OR2T2: variants seen among roughly 807,000 people sequenced by gnomAD.
The protein encoded by OR2T2 is olfactory receptor 2T2.
For missense variants in OR2T2, 138 were observed against 409.1 expected, an observed-to-expected ratio of 0.34 and a Z score of 5.72; for synonymous variants, 50 against 162.7, an observed-to-expected ratio of 0.31 and a Z score of 5.27.
At position 248,447,312 on chromosome 1, in the gene OR2T2, G is replaced by T. The variant is rs28654635; in HGVS notation, c.-23+501G>T. The stretch of plus-strand genomic sequence containing the variant: ...CTGTGGCTATGAACACTTATGAGTA[G>T]CAATTAATATTAATCTTGCTTTCAA... On this transcript the variant is annotated intron_variant, in intron 2 of 2. Coordinates refer to ENST00000642130, the Ensembl canonical transcript of OR2T2. 6.6e-5 allele frequency among the ~76,000 whole-genome samples: 10 copies of T among 151,022 alleles called. No homozygotes were observed. In the South Asian group the frequency reaches 2.1e-3, roughly 32 times the overall value.
chr1:248,454,975 A>G (rs1234489119), exon 3 of OR2T2: 6 of 148,054 alleles, frequency 4.1e-5, no homozygotes, highest in Admixed American at 4.0e-4. Flanking sequence ...CAATTTTCTT[A>G]TTCTCAACAT....
chr1:248,450,764 CAA>C (rs1201211549), intron 2 of OR2T2, among the ~76,000 whole-genome samples: 1 of 149,260 alleles, frequency 6.7e-6, no homozygotes, highest in East Asian at 2.0e-4. Context: ...TGGGTCAAGA[CAA>C]ACTTACTGTC....
At chr1:248,454,019 C>G (rs1269715790) in exon 3 of OR2T2, 14 of 455,096 alleles carry the variant, frequency 3.1e-5, no homozygotes, top group East Asian at 9.0e-5. Context: ...TACTTAGGAA[C>G]AGTAGCGAAG....
chr1:248,450,286 A>G lies in OR2T2; in HGVS notation c.-22-2490A>G, dbSNP rs1662764088. ...CACACCACACATACCATGCTCACAC[A>G]CTCACATATGAACACACTACACACA... On this transcript the variant is annotated intron_variant, in intron 2 of 2. Transcript: ENST00000642130. 3.0e-5 allele frequency among the ~76,000 whole-genome samples: 4 copies of G among 131,592 alleles called. No individual in the cohort carries two copies. In the South Asian group the frequency reaches 1.0e-3, roughly 34 times the overall value. The allele number at this position is 131,592 out of a possible 152,430, so 86.3% of individuals were successfully genotyped here. A position where few individuals can be genotyped will look rare whatever the true frequency, so the allele number is the denominator to read the frequency against.
At chr1:248,455,051 G>A (rs1452781059) in exon 3 of OR2T2, 1 of 151,590 alleles carries the variant, frequency 6.6e-6, no homozygotes, top group Middle Eastern at 3.2e-3. Context: ...TGCTTTGATA[G>A]ATGTGTAACT....
chr1:248,455,060 C>G (rs1271435534), exon 3 of OR2T2: 1 of 151,608 alleles, frequency 6.6e-6, no homozygotes, highest in Non-Finnish European at 1.5e-5. Context: ...AGATGTGTAA[C>G]TTTGGTGGAA....
chr1:248,449,806 T>TTTTC, intron 2 of OR2T2, among the ~76,000 whole-genome samples: 1 of 120,588 alleles, frequency 8.3e-6, no homozygotes, highest in Non-Finnish European at 1.6e-5. Flanking sequence ...AATAAAAGCT[T>TTTTC]TTTCTTTTTC....
chr1:248,447,381 G>A (rs1441166459), intron 2 of OR2T2, among the ~76,000 whole-genome samples: 1 of 145,542 alleles, frequency 6.9e-6, no homozygotes, highest in Non-Finnish European at 1.5e-5. Flanking sequence ...CCTTATTTCA[G>A]CATGTAACTT....
chr1:248,450,347 C>CTTT (rs201321023), intron 2 of OR2T2, among the ~76,000 whole-genome samples: 2 of 139,116 alleles, frequency 1.4e-5, no homozygotes, highest in African/African-American at 6.3e-5. Flanking sequence ...CAAGGAACCT[C>CTTT]TTTTTTTTTT....
At chr1:248,450,885 CAAG>C (rs1221810976) in intron 2 of OR2T2, among the ~76,000 whole-genome samples, 1 of 135,286 alleles carries the variant, frequency 7.4e-6, no homozygotes, top group Admixed American at 7.4e-5. Flanking sequence ...GTGGCTATCA[CAAG>C]AAAATCTTTC....
chr1:248,449,312 G>C (rs76494265), intron 2 of OR2T2: 12,208 of 142,110 alleles, frequency 0.086, 7 homozygotes, highest in East Asian at 0.26. Flanking sequence ...TCCCGGAAAG[G>C]GGTGTCAGAA....
At chr1:248,455,100 C>T (rs1232390135) in exon 3 of OR2T2, 3 of 151,224 alleles carry the variant, frequency 2.0e-5, no homozygotes, top group African/African-American at 7.4e-5. Flanking sequence ...ACACTGACCC[C>T]ACCATTCATG....
intron 1 of OR2T2, among the ~76,000 whole-genome samples, chr1:248,445,961 CAGTT>C (rs1252481491): frequency 2.4e-5 from 3 of 125,038 alleles, no homozygotes; most frequent in Non-Finnish European, 3.4e-5. Flanking sequence ...TAAGAGCCGA[CAGTT>C]AGAAGAATGT....
intron 2 of OR2T2, among the ~76,000 whole-genome samples, chr1:248,450,902 TGTTA>T (rs1662785552): frequency 7.6e-6 from 1 of 130,962 alleles, no homozygotes; most frequent in Non-Finnish European, 1.6e-5. Flanking sequence ...ATCTTTCACC[TGTTA>T]GAGAAGGCAA....
intron 2 of OR2T2, among the ~76,000 whole-genome samples, 186 bp downstream of exon 2, chr1:248,446,997 G>C (rs1330851295): frequency 2.7e-5 from 4 of 148,048 alleles, no homozygotes; most frequent in Admixed American, 6.6e-5. Context: ...TTGTCAGTTG[G>C]GATGGGAGGG....
intron 2 of OR2T2, among the ~76,000 whole-genome samples, 153 bp from the exon 4 acceptor site, chr1:248,452,623 A>G (rs1429113538): frequency 7.3e-6 from 1 of 137,484 alleles, no homozygotes; most frequent in Non-Finnish European, 1.5e-5. Flanking sequence ...GTCCAATATC[A>G]TACAGATCAT....
At chr1:248,455,199 G>A (rs1259204716) in exon 3 of OR2T2, 4 of 140,900 alleles carry the variant, frequency 2.8e-5, no homozygotes, top group Admixed American at 7.2e-5. Context: ...TTGTTGATAC[G>A]AGGCTTAGAA....
chr1:248,453,742 C>T (rs375267704), exon 3 of OR2T2: 16 of 1,609,454 alleles, frequency 9.9e-6, no homozygotes, highest in Middle Eastern at 1.7e-4. Context: ...CCCAGAGCAT[C>T]AGGGTGGCGA....
intron 1 of OR2T2, among the ~76,000 whole-genome samples, chr1:248,446,253 T>C (rs568127113): frequency 7.0e-6 from 1 of 143,764 alleles, no homozygotes; most frequent in Non-Finnish European, 1.5e-5. Flanking sequence ...TTAATAAAAC[T>C]ATTAGAGGTC....
Sources: allele counts gnomAD v4.1 joint callset (sites outside exome capture counted in the v4.1 genomes callset), GRCh38; gene constraint gnomAD v4.1.1; transcripts MANE v1.5; gene names NCBI Gene and HGNC (gene_info 2026-07-23, HGNC 2026-07-21).